ARSB: variants seen among roughly 807,000 people sequenced by gnomAD.
The protein encoded by ARSB is N-acetylgalactosamine-4-sulfatase.
In ARSB, 41 loss-of-function variants were observed where a neutral mutation model predicts 50.9. The observed-to-expected ratio is 0.81, with a 90% CI of 0.63 to 1.04. The LOEUF (loss-of-function observed/expected upper bound fraction) is 1.04. Among genes scored for constraint, ARSB ranks in the 50% least tolerant of loss-of-function variants. The pLI is 0.00. For missense variants in ARSB, 672 were observed against 693.3 expected (o/e 0.97, Z 0.35); for synonymous variants, 269 against 284.8 (o/e 0.94, Z 0.56).
chr5:78,797,725 A>C (rs537265040), intron 6 of ARSB, among the ~76,000 whole-genome samples: 4 of 152,286 alleles, frequency 2.6e-5, no homozygotes, highest in African/African-American at 9.6e-5. Context: ...AGCTGCCCCT[A>C]AGATAGCTTT....
At chr5:78,820,807 C>T (rs533317012) in intron 6 of ARSB, among the ~76,000 whole-genome samples, 1 of 152,082 alleles carries the variant, frequency 6.6e-6, no homozygotes, top group South Asian at 2.1e-4. Flanking sequence ...GTCGTGACCA[C>T]CAAAAATGCC....
At chr5:78,831,721 G>A (rs1744694667) in intron 6 of ARSB, among the ~76,000 whole-genome samples, 1 of 152,150 alleles carries the variant, frequency 6.6e-6, no homozygotes, top group Non-Finnish European at 1.5e-5. Flanking sequence ...TATAAAGAGT[G>A]AACAAACTGC....
intron 5 of ARSB, among the ~76,000 whole-genome samples, chr5:78,873,780 C>T (rs904578786): frequency 1.3e-5 from 2 of 152,114 alleles, no homozygotes; most frequent in South Asian, 2.1e-4. Context: ...CAGGCGTGAG[C>T]CACCGCACCC....
chr5:78,922,211 A>AG (rs1209477337), intron 4 of ARSB, among the ~76,000 whole-genome samples: 33 of 52,490 alleles, frequency 6.3e-4, no homozygotes, highest in African/African-American at 1.7e-3. Flanking sequence ...GTGGGGGGGG[A>AG]GGAGGGGGCA....
intron 4 of ARSB, among the ~76,000 whole-genome samples, chr5:78,903,331 C>T (rs532323901): frequency 2.6e-5 from 4 of 152,288 alleles, no homozygotes; most frequent in Non-Finnish European, 5.9e-5. Context: ...TTTAAACAGT[C>T]CAAGCCTGCC....
intron 5 of ARSB, among the ~76,000 whole-genome samples, chr5:78,859,303 T>C (rs141060758): frequency 5.3e-5 from 8 of 152,290 alleles, no homozygotes; most frequent in African/African-American, 1.9e-4. Context: ...ATATAGATTG[T>C]TATTAAGAAG....
At chr5:78,834,857 AC>A (rs1744875726) in intron 6 of ARSB, among the ~76,000 whole-genome samples, 1 of 151,836 alleles carries the variant, frequency 6.6e-6, no homozygotes, top group South Asian at 2.1e-4. Context: ...GAGTAATCAC[AC>A]AATGTTATTG....
At chr5:78,872,115 G>T (rs1158972450) in intron 5 of ARSB, among the ~76,000 whole-genome samples, 1 of 148,466 alleles carries the variant, frequency 6.7e-6, no homozygotes, top group East Asian at 1.9e-4. Flanking sequence ...ACCACTATGA[G>T]ATATCATCTC....
At chr5:78,884,305 A>T (rs1034353790) in intron 5 of ARSB, 5 of 152,092 alleles carry the variant, frequency 3.3e-5, no homozygotes, top group African/African-American at 1.2e-4. Flanking sequence ...TATGCACCTT[A>T]CCTATATTCT....
intron 6 of ARSB, among the ~76,000 whole-genome samples, chr5:78,782,428 ATGAT>A (rs1211331303): frequency 2.6e-5 from 4 of 152,254 alleles, no homozygotes; most frequent in African/African-American, 9.6e-5. Context: ...CATGCATGCC[ATGAT>A]AGAGTACAAA....
chr5:78,979,875 A>G (rs746791212), intron 1 of ARSB, among the ~76,000 whole-genome samples: 53 of 152,372 alleles, frequency 3.5e-4, no homozygotes, highest in Non-Finnish European at 6.8e-4. Context: ...TATTCATAAT[A>G]GCCAAAAAGC....
intron 5 of ARSB, among the ~76,000 whole-genome samples, chr5:78,857,453 T>C (rs1477187286): frequency 6.6e-6 from 1 of 152,226 alleles, no homozygotes; most frequent in African/African-American, 2.4e-5. Flanking sequence ...GTTGATTTTA[T>C]TTGTGAAATA....
intron 6 of ARSB, among the ~76,000 whole-genome samples, chr5:78,796,879 CTTT>C (rs1342063568): frequency 4.7e-5 from 6 of 126,356 alleles, no homozygotes; most frequent in South Asian, 2.5e-4. Flanking sequence ...GTCTCGATCT[CTTT>C]TTTTTTTTTT....
chr5:78,870,893 C>T (rs1747125797), intron 5 of ARSB, among the ~76,000 whole-genome samples: 1 of 152,216 alleles, frequency 6.6e-6, no homozygotes. Context: ...TTGCAGATTA[C>T]ATGATTGTTT....
chr5:78,831,795 A>G (rs968667645), intron 6 of ARSB, among the ~76,000 whole-genome samples: 2 of 152,176 alleles, frequency 1.3e-5, no homozygotes, highest in African/African-American at 2.4e-5. Context: ...GGTGAGCCCC[A>G]TGCATTCCCC....
In ARSB at chr5:78,968,865, A is replaced by G. The variant is rs958881142; in HGVS notation, c.499+141T>C. On this transcript the variant is annotated intron_variant, in intron 2 of 7. Transcript: ENST00000264914. The stretch of plus-strand genomic sequence containing the variant: ...GAGCCCTGTTTACAGAGGTAACATT[A>G]GAAAGCAGCCCCATTACAGTGCCGA... 6 of 955,080 alleles carry G rather than the reference A, an allele frequency of 6.3e-6. No homozygotes were observed. The African/African-American group carries it at 9.7e-5, about 15-fold the overall frequency. 59.2% of individuals were successfully genotyped at this position (955,080 alleles called of 1,614,324 possible).
chr5:78,914,548 G>T (rs1296433324), intron 4 of ARSB, among the ~76,000 whole-genome samples: 1 of 152,140 alleles, frequency 6.6e-6, no homozygotes, highest in African/African-American at 2.4e-5. Context: ...AGCCCTTAAT[G>T]TGACCACCAA....
At chr5:78,826,673 A>G (rs1278418215) in intron 6 of ARSB, among the ~76,000 whole-genome samples, 4 of 152,192 alleles carry the variant, frequency 2.6e-5, no homozygotes, top group Non-Finnish European at 5.9e-5. Flanking sequence ...TCTCTGGTTC[A>G]AAACTGCTTC....
intron 1 of ARSB, among the ~76,000 whole-genome samples, chr5:78,974,467 A>G (rs775588053): frequency 2.0e-4 from 30 of 152,242 alleles, no homozygotes; most frequent in Non-Finnish European, 3.4e-4. Flanking sequence ...GAAAGCCCAA[A>G]TGGAAAAGGA....
Sources: allele counts gnomAD v4.1 joint callset (sites outside exome capture counted in the v4.1 genomes callset), GRCh38; gene constraint gnomAD v4.1.1; transcripts MANE v1.5; gene names NCBI Gene and HGNC (gene_info 2026-07-23, HGNC 2026-07-21).